Variants in RPS6KA3 observed in about 807,000 individuals in gnomAD.
RPS6KA3 encodes ribosomal protein S6 kinase A3.
A neutral mutation model predicts 67.2 loss-of-function variants in RPS6KA3; 4 were observed. That is an observed-to-expected ratio of 0.06 (90% confidence interval 0.03 to 0.14). The LOEUF is 0.14. Among genes scored for constraint, RPS6KA3 ranks in the 10% least tolerant of loss-of-function variants. The pLI is 1.00. For synonymous variants in RPS6KA3, 182 were observed against 183.7 expected (o/e 0.99, Z 0.07); for missense variants, 204 against 559.0 (o/e 0.36, Z 6.40).
chrX:20,203,814 T>A (rs1443182096), intron 4 of RPS6KA3: 3 of 386,212 alleles, frequency 7.8e-6, no homozygotes, highest in Non-Finnish European at 1.4e-5. Context: ...TTATAATACG[T>A]CTTTTATAAC....
intron 5 of RPS6KA3, 39 bp downstream of exon 5, chrX:20,195,026 T>C: frequency 1.2e-6 from 1 of 838,663 alleles, no homozygotes; most frequent in Non-Finnish European, 1.8e-6. Flanking sequence ...TTTTGAGGGA[T>C]GAGGTCAAGG....
intron 4 of RPS6KA3, 124 bp from the exon 5 acceptor site, chrX:20,195,269 T>C (rs921619637): frequency 2.2e-6 from 1 of 452,578 alleles, no homozygotes; most frequent in East Asian, 3.9e-5. Flanking sequence ...GAATGTTTTA[T>C]CATTCTTGAA....
intron 1 of RPS6KA3, among the ~76,000 whole-genome samples, chrX:20,260,501 T>C (rs1012527488): frequency 9.0e-6 from 1 of 111,423 alleles, no homozygotes; most frequent in African/African-American, 3.3e-5. Flanking sequence ...AAGGGATCAA[T>C]GCAAAAAGGG....
At chrX:20,255,478 T>C (rs1188697541) in intron 1 of RPS6KA3, among the ~76,000 whole-genome samples, 2 of 111,959 alleles carry the variant, frequency 1.8e-5, no homozygotes, top group Admixed American at 9.5e-5. Context: ...TTATAGTATG[T>C]AAATATCTCA....
chrX:20,226,628 C>T (rs776469035), intron 2 of RPS6KA3, among the ~76,000 whole-genome samples: 1 of 112,140 alleles, frequency 8.9e-6, no homozygotes, highest in South Asian at 3.7e-4. Context: ...CTGATCACAC[C>T]AGTTACAACT....
chrX:20,166,914 C>T (rs760423951), intron 17 of RPS6KA3, among the ~76,000 whole-genome samples: 3 of 110,492 alleles, frequency 2.7e-5, no homozygotes, highest in Admixed American at 9.7e-5. Context: ...GACAGGGTTT[C>T]GCCATGTTGG....
intron 2 of RPS6KA3, 21 bp downstream of exon 2, chrX:20,234,737 G>A (rs374721013): frequency 2.7e-5 from 28 of 1,044,850 alleles, no homozygotes; most frequent in Non-Finnish European, 3.4e-5. Flanking sequence ...TATACCCTTT[G>A]TGATAAAATA....
intron 2 of RPS6KA3, among the ~76,000 whole-genome samples, chrX:20,228,522 A>C (rs776724934): frequency 9.0e-6 from 1 of 111,289 alleles, no homozygotes; most frequent in Non-Finnish European, 1.9e-5. Context: ...TCCTGTGTCC[A>C]AGGTGCCCAA....
At chrX:20,218,486 A>G (rs753445968) in intron 2 of RPS6KA3, among the ~76,000 whole-genome samples, 4 of 111,552 alleles carry the variant, frequency 3.6e-5, no homozygotes, top group Non-Finnish European at 7.5e-5. Flanking sequence ...TAATTTTGAG[A>G]GTTACAGTCA....
chrX:20,161,026 C>T (rs1269073112), intron 20 of RPS6KA3, among the ~76,000 whole-genome samples: 1 of 111,466 alleles, frequency 9.0e-6, no homozygotes, highest in Non-Finnish European at 1.9e-5. Context: ...GAGAGCAAGT[C>T]AGTGCTATTC....
chrX:20,200,700 AT>A (rs898346164), intron 4 of RPS6KA3, among the ~76,000 whole-genome samples: 2 of 110,884 alleles, frequency 1.8e-5, no homozygotes, highest in Non-Finnish European at 3.8e-5. Context: ...ATTAAAAAAA[AT>A]TTTTTTTAGG....
At chrX:20,221,554 A>C (rs779767118) in intron 2 of RPS6KA3, among the ~76,000 whole-genome samples, 5 of 111,933 alleles carry the variant, frequency 4.5e-5, no homozygotes, top group Non-Finnish European at 9.4e-5. Context: ...ACAGATAGTA[A>C]ATATTTTCAG....
Position 20,257,346 on chromosome X carries a change from G to A in RPS6KA3, c.69+9218C>T, listed in dbSNP as rs181476370. Among the ~76,000 whole-genome samples, 282 of 112,283 alleles carry A rather than the reference G, an allele frequency of 2.5e-3. 2 individuals are homozygous for A. The highest frequency in any genetic ancestry group is 8.9e-3 in the African/African-American group (275 of 30,886). On this transcript the variant is annotated intron_variant, in intron 1 of 21. Coordinates refer to ENST00000379565, the MANE Select transcript of RPS6KA3 (RefSeq NM_004586.3). The stretch of plus-strand genomic sequence containing the variant: ...TACGAGTTAAAATTAGCAGAGAGTA[G>A]AGAAAAAGTAATATTTGAACTTTTG...
At chrX:20,224,177 G>A (rs1319379207) in intron 2 of RPS6KA3, among the ~76,000 whole-genome samples, 5 of 111,475 alleles carry the variant, frequency 4.5e-5, no homozygotes, top group African/African-American at 1.6e-4. Context: ...CTTATAGTTT[G>A]GATGTGGAAG....
At chrX:20,211,171 A>T (rs2068704517) in intron 2 of RPS6KA3, among the ~76,000 whole-genome samples, 1 of 111,542 alleles carries the variant, frequency 9.0e-6, no homozygotes, top group Non-Finnish European at 1.9e-5. Flanking sequence ...ATTTAATGTT[A>T]GAGAGGGCTG....
chrX:20,253,115 G>A (rs1232088541), intron 1 of RPS6KA3, among the ~76,000 whole-genome samples: 2 of 109,583 alleles, frequency 1.8e-5, no homozygotes, highest in African/African-American at 6.7e-5. Flanking sequence ...AAACCACCCA[G>A]CAGGGGGAAC....
intron 20 of RPS6KA3, 81 bp downstream of exon 20, chrX:20,161,563 T>C (rs897848104): frequency 2.8e-4 from 119 of 427,173 alleles, no homozygotes; most frequent in Non-Finnish European, 4.6e-4. Flanking sequence ...AAACAAAGGT[T>C]TCTAACTGGT....
At chrX:20,228,404 T>C (rs1346511517) in intron 2 of RPS6KA3, among the ~76,000 whole-genome samples, 1 of 111,468 alleles carries the variant, frequency 9.0e-6, no homozygotes, top group African/African-American at 3.3e-5. Context: ...CTCATCCTCC[T>C]TCCTGGAGGA....
Position 20,161,781 on chromosome X carries a change from A to G in RPS6KA3, c.1842-20T>C, listed in dbSNP as rs1245815546. On this transcript the variant is annotated intron_variant, in intron 19 of 21. Transcript: ENST00000379565. ...GTGTAACTAATTTATAATAAAATTAAAATATTAATGAATAAAATTTATTAC... is the reference window on the plus strand; with the variant it reads ...GTGTAACTAATTTATAATAAAATTAGAATATTAATGAATAAAATTTATTAC... 3.0e-6 allele frequency: 2 copies of G among 660,926 alleles called. No homozygotes were observed. Among genetic ancestry groups the G allele is most frequent in the Non-Finnish European group, 2.1e-6 (1 of 469,820 alleles). 54.5% of individuals were successfully genotyped at this position (660,926 alleles called of 1,213,427 possible). A position where few individuals can be genotyped will look rare whatever the true frequency, so the allele number is the denominator to read the frequency against.
Sources: gnomAD v4.1 joint callset for allele counts (sites outside exome capture counted in the v4.1 genomes callset) on GRCh38, gnomAD v4.1.1 for gene constraint, MANE v1.5 for transcripts, NCBI Gene and HGNC (gene_info 2026-07-23, HGNC 2026-07-21) for gene names.